Variants in ARHGEF16 observed in about 807,000 individuals in gnomAD.
ARHGEF16 encodes Rho guanine exchange factor (GEF) 16.
In ARHGEF16, 59 loss-of-function variants were observed where a neutral mutation model predicts 74.1. The ratio of observed to expected loss-of-function variants is 0.80; its 90% confidence interval spans 0.65 to 0.99. ARHGEF16 has a LOEUF of 0.99. ARHGEF16 is among the 50% of genes least tolerant of loss of function. ARHGEF16 has a pLI of 0.00. For missense variants in ARHGEF16, 948 were observed against 986.6 expected, an observed-to-expected ratio of 0.96 and a Z score of 0.52; for synonymous variants, 415 against 412.6, an observed-to-expected ratio of 1.01 and a Z score of -0.07.
At chr1:3,467,707 G>A (rs1032340965) in intron 4 of ARHGEF16, among the ~76,000 whole-genome samples, 1 of 152,202 alleles carries the variant, frequency 6.6e-6, no homozygotes, top group Admixed American at 6.5e-5. Flanking sequence ...ACTTGGAGCT[G>A]GGGCCAGGGC....
At chr1:3,471,199 C>A (rs1639712771) in intron 6 of ARHGEF16, among the ~76,000 whole-genome samples, 1 of 151,900 alleles carries the variant, frequency 6.6e-6, no homozygotes, top group Non-Finnish European at 1.5e-5. Flanking sequence ...TGCAGGAGGA[C>A]CCCGGAGCAT....
In ARHGEF16 at chr1:3,478,456, A is replaced by T. The variant is rs199700720; in HGVS notation, c.1658A>T (p.Gln553Leu). 1.4e-5 allele frequency: 22 copies of T among 1,611,630 alleles called. No individual in the cohort carries two copies. The African/African-American group carries it at 2.8e-4, about 21-fold the overall frequency. ...AGCTACATGGTCCAGGACTACGCCC[A>T]GATGAACCACATCCAGGTGGAGAAG... ...EESYMVQDYA[Q>L]MNHIQVEKIE... is the part of the protein sequence containing the mutation. Residue 553 changes from glutamine (Q) to leucine (L), a missense_variant, in exon 12 of 15, where the codon CAG (glutamine) becomes CTG (leucine). Gln to Leu is a moderately radical substitution (Grantham distance 113). Transcript: ENST00000378378.
chr1:3,477,087 A>C (rs1052588962), intron 10 of ARHGEF16, among the ~76,000 whole-genome samples: 63 of 151,910 alleles, frequency 4.1e-4, no homozygotes, highest in Non-Finnish European at 6.8e-4. Context: ...GAACAGGCCC[A>C]TCCAGGAGGG....
chr1:3,479,413 C>G (rs1191176291), intron 12 of ARHGEF16, 104 bp from the exon 13 acceptor site: 18 of 1,143,568 alleles, frequency 1.6e-5, no homozygotes, highest in Non-Finnish European at 8.9e-6. Context: ...CCCACCACCC[C>G]CATCTCCTTG....
chr1:3,468,168 C>T (rs1316409831), intron 4 of ARHGEF16, among the ~76,000 whole-genome samples: 7 of 152,186 alleles, frequency 4.6e-5, no homozygotes, highest in South Asian at 2.1e-4. Context: ...AGTCCAGTAC[C>T]GCACCCTGGT....
chr1:3,458,551 G>A (rs1250918835), intron 1 of ARHGEF16, among the ~76,000 whole-genome samples: 1 of 152,262 alleles, frequency 6.6e-6, no homozygotes, highest in African/African-American at 2.4e-5. Flanking sequence ...CTGGCATGGG[G>A]CTGGGGGTCC....
Position 3,473,581 on chromosome 1 carries a change from G to C in ARHGEF16, c.1305+59G>C, listed in dbSNP as rs746477278. ...ACCATCCTGGGGTCCCACGGCCAGA[G>C]CCCTGCCCCGGATGGAGCATTACGT... On this transcript the variant is annotated intron_variant, in intron 8 of 14. Transcript: ENST00000378378. 3 of 1,598,212 alleles carry C rather than the reference G, an allele frequency of 1.9e-6. No individual in the cohort carries two copies. The South Asian group carries it at 3.3e-5, about 18-fold the overall frequency.
At chr1:3,476,197 G>C in intron 10 of ARHGEF16, 135 bp downstream of exon 10, 1 of 866,212 alleles carries the variant, frequency 1.2e-6, no homozygotes, top group Non-Finnish European at 1.7e-6. Flanking sequence ...CTGGGGGCTG[G>C]GCCTCCTAGG....
At chr1:3,478,333 C>T in intron 11 of ARHGEF16, 91 bp from the exon 12 acceptor site, 1 of 1,384,180 alleles carries the variant, frequency 7.2e-7, no homozygotes, top group East Asian at 2.3e-5. Context: ...CCCACCACTG[C>T]AGGGGAGCCG....
At position 3,477,964 on chromosome 1, in the gene ARHGEF16, C is replaced by T. The variant is rs1639938394; in HGVS notation, c.1563C>T (p.Ala521=). Reference sequence around the variant, plus strand: ...AAACCGGACTTTTTCGAAAAATTGCCAGCCGGCCAACGTGCTACCTTTTCC... The same window carrying T: ...AAACCGGACTTTTTCGAAAAATTGCTAGCCGGCCAACGTGCTACCTTTTCC... ...VEETGLFRKI[A]SRPTCYLFLF... Residue 521 remains alanine, a synonymous_variant, in exon 11 of 15, where the codon GCC becomes GCT. Coordinates refer to ENST00000378378, the MANE Select transcript of ARHGEF16 (RefSeq NM_014448.4). 6.2e-7 allele frequency: 1 copy of T among 1,612,688 alleles called. No individual in the cohort carries two copies. Among genetic ancestry groups the T allele is most frequent in the Non-Finnish European group, 8.5e-7 (1 of 1,179,898 alleles).
rs138805620 is a variant in ARHGEF16 at position 3,474,760 on chromosome 1, G to A, written c.1358G>A (p.Arg453His). Residue 453 changes from arginine (R) to histidine (H), a missense_variant, in exon 9 of 15, where the codon CGT (arginine) becomes CAT (histidine). Physicochemically the swap from Arg to His is conservative, Grantham distance 29. Transcript: ENST00000378378. ...TCCGAAAGGTACAAGGCTGCCAGCC[G>A]TGCACTGAAGGCCATCAGCAAGGTA... ...GHSERYKAAS[R>H]ALKAISKLVR... 3.1e-4 allele frequency: 494 copies of A among 1,612,872 alleles called. 7 individuals carry two copies. Among genetic ancestry groups the A allele is most frequent in the South Asian group, 1.9e-3 (172 of 91,088 alleles).
Position 3,480,789 on chromosome 1 carries a change from A to T in ARHGEF16, c.*202A>T, listed in dbSNP as rs1381241875. 1 of 724,672 alleles carries T rather than the reference A, an allele frequency of 1.4e-6. No individual in the cohort carries two copies. Among genetic ancestry groups the T allele is most frequent in the African/African-American group, 1.8e-5 (1 of 55,848 alleles). 44.9% of individuals were successfully genotyped at this position (724,672 alleles called of 1,614,324 possible). A position where few individuals can be genotyped will look rare whatever the true frequency, so the allele number is the denominator to read the frequency against. ...GTCCCCAGAGAGGCACCCCCAGGCA[A>T]GCTCGAGGGGGCCACACCGTGTCCC... On this transcript the variant is annotated 3_prime_UTR_variant, in exon 15 of 15. Coordinates refer to ENST00000378378, the MANE Select transcript of ARHGEF16 (RefSeq NM_014448.4).
chr1:3,474,662 G>C, intron 8 of ARHGEF16, 46 bp from the exon 9 acceptor site: 1 of 1,575,692 alleles, frequency 6.3e-7, no homozygotes, highest in Non-Finnish European at 8.7e-7. Flanking sequence ...CTCCACACCT[G>C]GGATGCCAGA....
intron 6 of ARHGEF16, chr1:3,471,692 G>C: frequency 8.1e-7 from 1 of 1,241,502 alleles, no homozygotes; most frequent in Non-Finnish European, 1.0e-6. Flanking sequence ...GCTTTAGATT[G>C]CTGCCCTGGG....
At chr1:3,469,314 G>A (rs1251082846) in intron 5 of ARHGEF16, 119 bp from the exon 6 acceptor site, 2 of 1,188,516 alleles carry the variant, frequency 1.7e-6, no homozygotes, top group East Asian at 5.0e-5. Flanking sequence ...GTGTGTCTGG[G>A]GTTCCTGTCC....
Position 3,463,223 on chromosome 1 carries a change from G to A in ARHGEF16, c.139G>A (p.Asp47Asn), listed in dbSNP as rs533399353. Residue 47 changes from aspartate to asparagine, a missense_variant, in exon 2 of 15, where the codon GAT becomes AAT. Asp to Asn is a conservative substitution (Grantham distance 23). Coordinates refer to ENST00000378378, the MANE Select transcript of ARHGEF16 (RefSeq NM_014448.4). ...MVRGSPRVRD[D>N]AAFQPQVPAP... ...CCGTGGCTCCCCGCGTGTTAGAGAC[G>A]ATGCCGCCTTCCAGCCCCAGGTCCC... The A allele has an allele frequency of 5.8e-6, 9 of 1,547,384 alleles. No homozygotes were observed. The highest frequency in any genetic ancestry group is 1.7e-4 in the Middle Eastern group (1 of 5,970).
intron 6 of ARHGEF16, among the ~76,000 whole-genome samples, chr1:3,471,264 C>T (rs999514564): frequency 3.3e-5 from 5 of 152,066 alleles, no homozygotes; most frequent in Non-Finnish European, 5.9e-5. Context: ...GCCTCTGGTC[C>T]CCTCGTGGGC....
Position 3,466,183 on chromosome 1 carries a change from C to T in ARHGEF16, c.624C>T (p.Ser208=). The stretch of plus-strand genomic sequence containing the variant: ...GGAGGAAACGTGGGCACAAGGGTTC[C>T]TTCAAGGACGGTGAGTGTGGCTTCG... ...TLGRKRGHKG[S]FKDDPQLYQE... is the part of the protein sequence containing the mutation. Residue 208 remains serine, a synonymous_variant, in exon 3 of 15, where the codon TCC becomes TCT. Transcript: ENST00000378378. 1 of 1,544,480 alleles carries T rather than the reference C, an allele frequency of 6.5e-7. No individual in the cohort carries two copies.
chr1:3,480,879 T>C lies in ARHGEF16; in HGVS notation c.*292T>C. ...CAGCTGCTGGGCCCCACCTCCCCAC[T>C]GCACCCAGGGGGCAACTCCACCTGG... On this transcript the variant is annotated 3_prime_UTR_variant, in exon 15 of 15. Coordinates refer to ENST00000378378, the MANE Select transcript of ARHGEF16 (RefSeq NM_014448.4). 2.0e-6 allele frequency: 1 copy of C among 499,336 alleles called. No individual in the cohort carries two copies. 30.9% of individuals were successfully genotyped at this position (499,336 alleles called of 1,614,324 possible). A position where few individuals can be genotyped will look rare whatever the true frequency, so the allele number is the denominator to read the frequency against.
Sources: gnomAD v4.1 joint callset for allele counts (sites outside exome capture counted in the v4.1 genomes callset) on GRCh38, gnomAD v4.1.1 for gene constraint, MANE v1.5 for transcripts, NCBI Gene and HGNC (gene_info 2026-07-23, HGNC 2026-07-21) for gene names.